Variants in PDE4B observed in about 807,000 individuals in gnomAD.
The protein encoded by PDE4B is phosphodiesterase 4B.
A neutral mutation model predicts 82.2 loss-of-function variants in PDE4B; 20 were observed. The observed-to-expected ratio is 0.24, with a 90% CI of 0.17 to 0.35. PDE4B has a LOEUF of 0.35. Among genes scored for constraint, PDE4B ranks in the 10% least tolerant of loss-of-function variants. PDE4B has a pLI of 1.00. For synonymous variants in PDE4B, 320 were observed against 318.9 expected (o/e 1.00, Z -0.04); for missense variants, 655 against 907.2 (o/e 0.72, Z 3.57).
chr1:66,290,234 G>A (rs1016842431), intron 7 of PDE4B, among the ~76,000 whole-genome samples: 2 of 152,150 alleles, frequency 1.3e-5, no homozygotes, highest in Non-Finnish European at 2.9e-5. Flanking sequence ...AGGTTGAGGT[G>A]TTGGCCTTTG....
intron 8 of PDE4B, among the ~76,000 whole-genome samples, chr1:66,339,838 GT>G (rs1338811452): frequency 9.0e-6 from 1 of 110,698 alleles, no homozygotes; most frequent in South Asian, 3.4e-4. Flanking sequence ...TTTTTTGTTT[GT>G]TTTTTTTGTT....
chr1:66,080,396 A>T (rs1171721580), intron 3 of PDE4B, among the ~76,000 whole-genome samples: 1 of 152,198 alleles, frequency 6.6e-6, no homozygotes, highest in Non-Finnish European at 1.5e-5. Flanking sequence ...TTACCAAGTG[A>T]AAAGATACTG....
intron 3 of PDE4B, among the ~76,000 whole-genome samples, chr1:66,179,274 C>A (rs1182461109): frequency 6.6e-6 from 1 of 152,162 alleles, no homozygotes; most frequent in Non-Finnish European, 1.5e-5. Flanking sequence ...AGTGAATGAG[C>A]AACACCAGGC....
At chr1:66,285,221 T>G (rs1656589676) in intron 7 of PDE4B, among the ~76,000 whole-genome samples, 1 of 152,152 alleles carries the variant, frequency 6.6e-6, no homozygotes, top group South Asian at 2.1e-4. Flanking sequence ...TTTACCCATA[T>G]GACCCACCAA....
At chr1:65,794,173 A>G (rs1215588080) in intron 1 of PDE4B, among the ~76,000 whole-genome samples, 2 of 152,208 alleles carry the variant, frequency 1.3e-5, no homozygotes, top group Non-Finnish European at 2.9e-5. Flanking sequence ...GATGCCACTG[A>G]ACAGAAATGG....
At chr1:65,951,081 T>C (rs1648968551) in intron 3 of PDE4B, among the ~76,000 whole-genome samples, 1 of 152,106 alleles carries the variant, frequency 6.6e-6, no homozygotes, top group African/African-American at 2.4e-5. Flanking sequence ...AGCATCTCTC[T>C]TCCTGGTCTG....
chr1:65,887,242 C>CT (rs756705116), intron 1 of PDE4B, among the ~76,000 whole-genome samples: 2,404 of 20,278 alleles, frequency 0.12, 27 homozygotes, highest in East Asian at 0.19. Context: ...TTCTTTCTTT[C>CT]TTTCTTTTCT....
intron 1 of PDE4B, among the ~76,000 whole-genome samples, chr1:65,799,564 G>C (rs1052023148): frequency 1.3e-5 from 2 of 152,120 alleles, no homozygotes; most frequent in African/African-American, 4.8e-5. Flanking sequence ...AAGACCTCCA[G>C]ATACTGTTTT....
Position 66,372,741 on chromosome 1 carries a change from G to T in PDE4B, c.*63G>T. On this transcript the variant is annotated 3_prime_UTR_variant, in exon 17 of 17. Transcript: ENST00000341517. ...ATGAGCATGCCAGCTATGTGGTAGG[G>T]CCAGCCCACCATGGGGGCCAAGACC... 6.5e-7 allele frequency: 1 copy of T among 1,531,358 alleles called. No individual in the cohort carries two copies. Among genetic ancestry groups the T allele is most frequent in the Non-Finnish European group, 8.8e-7 (1 of 1,130,582 alleles). The allele number at this position is 1,531,358 out of a possible 1,614,324, so 94.9% of individuals were successfully genotyped here.
At chr1:65,941,679 CA>C (rs1417820799) in intron 3 of PDE4B, among the ~76,000 whole-genome samples, 2 of 151,990 alleles carry the variant, frequency 1.3e-5, no homozygotes, top group Non-Finnish European at 2.9e-5. Flanking sequence ...GAATTTGACA[CA>C]AAAATATGTA....
intron 7 of PDE4B, among the ~76,000 whole-genome samples, chr1:66,305,641 C>T (rs1004807564): frequency 3.3e-5 from 5 of 151,946 alleles, no homozygotes; most frequent in Admixed American, 2.0e-4. Flanking sequence ...AGACAAAATC[C>T]GAATCTAAGC....
At chr1:66,159,368 A>T in intron 3 of PDE4B, among the ~76,000 whole-genome samples, 1 of 150,900 alleles carries the variant, frequency 6.6e-6, no homozygotes, top group Non-Finnish European at 1.5e-5. Context: ...CCTCCCAGGT[A>T]GCAGGGACTA....
At chr1:65,844,146 C>T (rs1037617846) in intron 1 of PDE4B, among the ~76,000 whole-genome samples, 3 of 152,128 alleles carry the variant, frequency 2.0e-5, no homozygotes, top group Admixed American at 6.6e-5. Context: ...TGACATCTGA[C>T]GCTTCTGAAT....
chr1:66,247,680 C>T lies in PDE4B; in HGVS notation c.476+26C>T. The T allele has an allele frequency of 2.0e-6, 3 of 1,512,508 alleles. No individual in the cohort carries two copies. In the South Asian group the frequency reaches 3.9e-5, roughly 20 times the overall value. The allele number at this position is 1,512,508 out of a possible 1,614,324, so 93.7% of individuals were successfully genotyped here. ...GTAAGTACAAGCTCTGTCTGGCTTC[C>T]AGTTTCACATTTACCTCATCTCTAC... On this transcript the variant is annotated intron_variant, in intron 4 of 16. Transcript: ENST00000341517.
At chr1:66,281,641 T>G (rs1480764577) in intron 7 of PDE4B, among the ~76,000 whole-genome samples, 2 of 152,238 alleles carry the variant, frequency 1.3e-5, no homozygotes, top group Non-Finnish European at 2.9e-5. Flanking sequence ...ACACTGCCCC[T>G]AAAGTATTTT....
At position 66,025,712 on chromosome 1, in the gene PDE4B, T is replaced by C. The variant is rs1302176693; in HGVS notation, c.281+106877T>C. Among the ~76,000 whole-genome samples, 5 of 152,182 alleles carry C rather than the reference T, an allele frequency of 3.3e-5. No individual in the cohort carries two copies. In the East Asian group the frequency reaches 9.6e-4, roughly 29 times the overall value. On this transcript the variant is annotated intron_variant, in intron 3 of 16. Coordinates refer to ENST00000341517, the MANE Select transcript of PDE4B (RefSeq NM_002600.4). ...TGTCCCAGGCCCCCAACTTTAAACT[T>C]AACCCCTGTTCCCCATTTCATGACT...
At chr1:66,323,632 T>C (rs1659562209) in intron 7 of PDE4B, among the ~76,000 whole-genome samples, 1 of 152,162 alleles carries the variant, frequency 6.6e-6, no homozygotes, top group Non-Finnish European at 1.5e-5. Context: ...TAATGTACCA[T>C]GCACTGTCCT....
At chr1:65,924,267 G>C (rs1302040532) in intron 3 of PDE4B, among the ~76,000 whole-genome samples, 1 of 147,110 alleles carries the variant, frequency 6.8e-6, no homozygotes, top group Non-Finnish European at 1.5e-5. Context: ...GTAGAGACGG[G>C]GTTTCACTGT....
At chr1:66,007,662 G>T (rs1652224626) in intron 3 of PDE4B, among the ~76,000 whole-genome samples, 1 of 152,096 alleles carries the variant, frequency 6.6e-6, no homozygotes, top group Non-Finnish European at 1.5e-5. Flanking sequence ...TTGAGAATCT[G>T]GTGTACTAGC....
Sources: gnomAD v4.1 joint callset for allele counts (sites outside exome capture counted in the v4.1 genomes callset) on GRCh38, gnomAD v4.1.1 for gene constraint, MANE v1.5 for transcripts, NCBI Gene and HGNC (gene_info 2026-07-23, HGNC 2026-07-21) for gene names.